Variants in AP1G1 observed in about 807,000 individuals in gnomAD.
AP1G1 encodes AP-1 complex subunit gamma-1.
AP1G1 carries 7 observed loss-of-function variants against 108.3 expected under a neutral mutation model. The ratio of observed to expected loss-of-function variants is 0.06; its 90% CI spans 0.04 to 0.12. The LOEUF is 0.12. AP1G1 is among the 10% of genes least tolerant of loss of function. The pLI, the probability that AP1G1 is intolerant of heterozygous loss-of-function variation, is 1.00. For missense variants in AP1G1, 756 were observed against 1,010.7 expected (o/e 0.75, Z 3.42); for synonymous variants, 379 against 353.5 (o/e 1.07, Z -0.81).
intron 4 of AP1G1, among the ~76,000 whole-genome samples, chr16:71,772,142 T>TC (rs1335627199): frequency 2.6e-5 from 4 of 151,924 alleles, no homozygotes; most frequent in Non-Finnish European, 4.4e-5. Context: ...TCTTTTCTTT[T>TC]TTTTTTGAGA....
chr16:71,773,498 T>C (rs2031651809), intron 3 of AP1G1, 136 bp from the exon 4 acceptor site: 1 of 867,630 alleles, frequency 1.2e-6, no homozygotes, highest in Non-Finnish European at 1.6e-6. Flanking sequence ...CAGAAAATGT[T>C]TATCCCAACT....
At chr16:71,746,134 C>G (rs2030165197) in intron 17 of AP1G1, among the ~76,000 whole-genome samples, 1 of 152,046 alleles carries the variant, frequency 6.6e-6, no homozygotes, top group Admixed American at 6.6e-5. Flanking sequence ...TTCAGCCTCT[C>G]GAGTAGCTGG....
intron 1 of AP1G1, chr16:71,807,973 T>TAAAC: frequency 8.1e-7 from 1 of 1,239,662 alleles, no homozygotes; most frequent in Non-Finnish European, 1.0e-6. Context: ...CCAAAAGCCA[T>TAAAC]TTAATCTGCT....
At chr16:71,756,349 A>G (rs930567909) in intron 11 of AP1G1, 190 bp from the exon 12 acceptor site, 3 of 464,136 alleles carry the variant, frequency 6.5e-6, no homozygotes, top group Middle Eastern at 5.7e-4. Flanking sequence ...GTTAGTTTTG[A>G]TATTTTGAAT....
intron 10 of AP1G1, among the ~76,000 whole-genome samples, chr16:71,760,541 A>T (rs1378494541): frequency 6.9e-6 from 1 of 144,490 alleles, no homozygotes; most frequent in East Asian, 2.0e-4. Context: ...GCGAAACTCC[A>T]TCTCAAAAAA....
intron 1 of AP1G1, among the ~76,000 whole-genome samples, chr16:71,790,519 C>T (rs1469745832): frequency 7.2e-6 from 1 of 137,994 alleles, no homozygotes; most frequent in Non-Finnish European, 1.5e-5. Context: ...AAGAGTGAAA[C>T]TCCATCTCAA....
intron 22 of AP1G1, 66 bp downstream of exon 22, chr16:71,734,543 A>G (rs1480218335): frequency 1.5e-6 from 2 of 1,326,256 alleles, no homozygotes; most frequent in Admixed American, 1.7e-5. Flanking sequence ...GAAACAAAGC[A>G]GAATTTTATT....
intron 2 of AP1G1, among the ~76,000 whole-genome samples, chr16:71,787,318 CAAAAAAAA>C (rs71153662): frequency 6.2e-5 from 6 of 96,902 alleles, no homozygotes; most frequent in Admixed American, 1.1e-4. Flanking sequence ...GACTCTGTCT[CAAAAAAAA>C]AAAAAAAAAA....
chr16:71,769,596 G>C (rs1369207078), intron 6 of AP1G1, 27 bp downstream of exon 6: 10 of 1,584,158 alleles, frequency 6.3e-6, no homozygotes, highest in Non-Finnish European at 8.7e-6. Context: ...AATCAAGAAA[G>C]GCTTAGGCAT....
chr16:71,768,498 C>CTCAAA (rs1555554271), intron 6 of AP1G1, among the ~76,000 whole-genome samples: 3 of 4,938 alleles, frequency 6.1e-4, no homozygotes, highest in Non-Finnish European at 1.2e-3. Context: ...CAGACTCCGC[C>CTCAAA]ACAAAAAAAA....
intron 11 of AP1G1, chr16:71,758,388 A>C (rs2030910908): frequency 1.9e-6 from 1 of 518,476 alleles, no homozygotes; most frequent in African/African-American, 1.9e-5. Context: ...CTGGGGCGTA[A>C]GTACTGTGAA....
In AP1G1 at chr16:71,753,834, G is replaced by A. The variant is rs376608642; in HGVS notation, c.1283C>T (p.Thr428Met). 3.2e-5 allele frequency: 51 copies of A among 1,613,528 alleles called. No individual in the cohort carries two copies. Among genetic ancestry groups the A allele is most frequent in the East Asian group, 1.3e-4 (6 of 44,894 alleles). The change falls in exon 13 of 23, where the codon ACG becomes ATG. Residue 428 changes from threonine (T) to methionine (M), a missense_variant and splice_region_variant. Transcript: ENST00000299980. The part of the protein sequence containing the change: ...HIDTIMRVLT[T>M]AGSYVRDDAV... ...TGCTGTCTGAAAGAAGCTACTTACC[G>A]TTGTCAAAACACGCATAATTGTGTC... is the stretch of plus-strand genomic sequence containing the variant.
intron 19 of AP1G1, among the ~76,000 whole-genome samples, chr16:71,739,899 A>G (rs1433519215): frequency 6.6e-6 from 1 of 152,226 alleles, no homozygotes; most frequent in Non-Finnish European, 1.5e-5. Context: ...AGATATAAAA[A>G]CACGCAAGTC....
At chr16:71,802,713 G>A (rs1185028611) in intron 1 of AP1G1, among the ~76,000 whole-genome samples, 1 of 151,800 alleles carries the variant, frequency 6.6e-6, no homozygotes, top group African/African-American at 2.4e-5. Flanking sequence ...CTGGGTGACA[G>A]AGCAAGACTC....
intron 1 of AP1G1, among the ~76,000 whole-genome samples, chr16:71,804,426 T>TTTTG (rs2032925803): frequency 8.1e-6 from 1 of 123,332 alleles, no homozygotes; most frequent in Admixed American, 8.1e-5. Flanking sequence ...TTTTTTTTTT[T>TTTTG]GAGACAGAGC....
intron 1 of AP1G1, among the ~76,000 whole-genome samples, chr16:71,801,432 GTACTT>G: frequency 6.6e-6 from 1 of 151,876 alleles, no homozygotes; most frequent in East Asian, 1.9e-4. Context: ...AGTATGTACA[GTACTT>G]AACTAAGCAT....
At chr16:71,791,247 C>A (rs565186921) in intron 1 of AP1G1, among the ~76,000 whole-genome samples, 91 of 147,682 alleles carry the variant, frequency 6.2e-4, no homozygotes, top group African/African-American at 1.6e-3. Context: ...ACAAAAAAAA[C>A]AAAAACAAAA....
At chr16:71,738,240 T>G (rs1459286180) in intron 21 of AP1G1, among the ~76,000 whole-genome samples, 1 of 151,788 alleles carries the variant, frequency 6.6e-6, no homozygotes, top group Non-Finnish European at 1.5e-5. Flanking sequence ...TTTGTACTTT[T>G]AGTAGAGACG....
intron 1 of AP1G1, among the ~76,000 whole-genome samples, chr16:71,803,826 G>A (rs2032895597): frequency 6.6e-6 from 1 of 150,468 alleles, no homozygotes; most frequent in African/African-American, 2.4e-5. Flanking sequence ...TCGGGAGGCT[G>A]AGGCAGAAGA....
Sources: gnomAD v4.1 joint callset for allele counts (sites outside exome capture counted in the v4.1 genomes callset) on GRCh38, gnomAD v4.1.1 for gene constraint, MANE v1.5 for transcripts, NCBI Gene and HGNC (gene_info 2026-07-23, HGNC 2026-07-21) for gene names.